XRN2: variants seen among roughly 807,000 people sequenced by gnomAD.
The protein encoded by XRN2 is 5'-3' exoribonuclease 2, also known as DHM1-like protein.
Under a neutral mutation model 138.5 loss-of-function variants are expected in XRN2, and 44 were observed. The observed-to-expected ratio is 0.32, with a 90% CI of 0.25 to 0.41. XRN2 has a LOEUF of 0.41. Among genes scored for constraint, XRN2 ranks in the 10% least tolerant of loss-of-function variants. XRN2 has a pLI of 1.00. For synonymous variants in XRN2, 354 were observed against 369.4 expected, an observed-to-expected ratio of 0.96 and a Z score of 0.48; for missense variants, 937 against 1,169.3, an observed-to-expected ratio of 0.80 and a Z score of 2.90.
intron 1 of XRN2, among the ~76,000 whole-genome samples, chr20:21,312,116 T>A (rs2037889261): frequency 6.6e-6 from 1 of 152,066 alleles, no homozygotes; most frequent in Non-Finnish European, 1.5e-5. Context: ...TAGGTTGTGT[T>A]TTTTTTTGTC....
chr20:21,368,663 T>G, intron 27 of XRN2, 73 bp downstream of exon 27: 3 of 1,575,988 alleles, frequency 1.9e-6, no homozygotes, highest in Non-Finnish European at 2.6e-6. Flanking sequence ...CTAATCTTCT[T>G]TGCTGAAAAA....
At chr20:21,321,987 A>G (rs2038052669) in intron 1 of XRN2, among the ~76,000 whole-genome samples, 1 of 152,240 alleles carries the variant, frequency 6.6e-6, no homozygotes, top group Non-Finnish European at 1.5e-5. Context: ...AATTAGTCTA[A>G]CATACTGGTT....
intron 27 of XRN2, among the ~76,000 whole-genome samples, chr20:21,369,232 A>G (rs2038736583): frequency 6.6e-6 from 1 of 152,226 alleles, no homozygotes. Context: ...ACATTGTTAC[A>G]GGTGACAAGA....
chr20:21,303,839 G>T, intron 1 of XRN2: 1 of 1,032,396 alleles, frequency 9.7e-7, no homozygotes, highest in Non-Finnish European at 1.2e-6. Context: ...GTTGAGCAAT[G>T]CATGCCAGGT....
At chr20:21,324,183 A>G (rs1225525903) in intron 1 of XRN2, among the ~76,000 whole-genome samples, 1 of 152,058 alleles carries the variant, frequency 6.6e-6, no homozygotes, top group East Asian at 1.9e-4. Context: ...TTTACCACTT[A>G]TTCCACTCAC....
chr20:21,353,124 ATAATATT>A (rs2122268514), intron 20 of XRN2, among the ~76,000 whole-genome samples: 1 of 147,052 alleles, frequency 6.8e-6, no homozygotes, highest in African/African-American at 2.5e-5. Flanking sequence ...TTATATATGT[ATAATATT>A]TAATATATAA....
intron 29 of XRN2, 24 bp downstream of exon 29, chr20:21,387,030 T>C (rs2038944057): frequency 1.3e-6 from 2 of 1,589,012 alleles, no homozygotes; most frequent in Non-Finnish European, 8.6e-7. Context: ...GGATGAAAAG[T>C]ATACTGCTCA....
At chr20:21,316,067 A>G (rs1414031060) in intron 1 of XRN2, among the ~76,000 whole-genome samples, 1 of 152,156 alleles carries the variant, frequency 6.6e-6, no homozygotes, top group Non-Finnish European at 1.5e-5. Context: ...AGCCTGGCCA[A>G]CATGGTGAAA....
intron 1 of XRN2, chr20:21,303,809 G>GA (rs1274004678): frequency 1.4e-5 from 15 of 1,081,726 alleles, no homozygotes; most frequent in Non-Finnish European, 1.7e-5. Context: ...TTGGGTCTCG[G>GA]AAGAGGTTCA....
intron 9 of XRN2, among the ~76,000 whole-genome samples, chr20:21,333,336 T>G (rs1380634497): frequency 1.3e-5 from 2 of 152,226 alleles, no homozygotes; most frequent in Admixed American, 1.3e-4. Context: ...TCTGGCCCTT[T>G]GCAGAAAATG....
At chr20:21,331,860 A>G (rs761975610) in intron 8 of XRN2, 42 bp downstream of exon 8, 64 of 1,601,376 alleles carry the variant, frequency 4.0e-5, no homozygotes, top group Non-Finnish European at 5.4e-5. Context: ...GGATTAAACC[A>G]TAGCAAGTTG....
Position 21,388,901 on chromosome 20 carries a change from A to G in XRN2, c.2788-372A>G, listed in dbSNP as rs531559307. Among the ~76,000 whole-genome samples the G allele has an allele frequency of 1.1e-4, 17 of 152,352 alleles. 1 individual carries two copies. The highest frequency in any genetic ancestry group is 3.8e-4 in the African/African-American group (16 of 41,586). ...AAAGCAAAGTTACTTTCCTTGTGTAATAAGTCTAAATTGATGTGGGTATCT... is the reference window on the plus strand; with the variant it reads ...AAAGCAAAGTTACTTTCCTTGTGTAGTAAGTCTAAATTGATGTGGGTATCT... On this transcript the variant is annotated intron_variant, in intron 29 of 29. Transcript: ENST00000377191.
chr20:21,385,770 A>G (rs2038930828), intron 28 of XRN2, among the ~76,000 whole-genome samples: 1 of 152,226 alleles, frequency 6.6e-6, no homozygotes, highest in Non-Finnish European at 1.5e-5. Context: ...CAATGAGCCC[A>G]GCGCCGGGCT....
rs200299840 is a variant in XRN2, at chr20:21,344,082, G to C, written c.1411-8G>C. Reference sequence around the variant, plus strand: ...ATCCTTCTTCTGTAATGTCATCATTGTCTGCAGAGTCCTTCGATATCTCCT... The same window carrying C: ...ATCCTTCTTCTGTAATGTCATCATTCTCTGCAGAGTCCTTCGATATCTCCT... On this transcript the variant is annotated splice_region_variant and splice_polypyrimidine_tract_variant and intron_variant, in intron 15 of 29. Coordinates refer to ENST00000377191, the MANE Select transcript of XRN2 (RefSeq NM_012255.5). 2 of 1,583,894 alleles carry C rather than the reference G, an allele frequency of 1.3e-6. No homozygotes were observed. The highest frequency in any genetic ancestry group is 2.7e-5 in the African/African-American group (2 of 74,188).
intron 27 of XRN2, among the ~76,000 whole-genome samples, chr20:21,377,247 T>G (rs990824018): frequency 2.7e-5 from 4 of 150,742 alleles, no homozygotes; most frequent in Admixed American, 1.3e-4. Context: ...GTCCAACATA[T>G]GATTTGTCGG....
At position 21,389,352 on chromosome 20, in the gene XRN2, T is replaced by A; in HGVS notation, c.*14T>A. 1.2e-6 allele frequency: 2 copies of A among 1,609,772 alleles called. No individual in the cohort carries two copies. Among genetic ancestry groups the A allele is most frequent in the Non-Finnish European group, 1.7e-6 (2 of 1,177,794 alleles). ...AATTGGAATTAAGCTTTTGTAAAGC[T>A]TTCCCAAATCCTTTCATCATTCTAC... On this transcript the variant is annotated 3_prime_UTR_variant, in exon 30 of 30. Transcript: ENST00000377191.
At chr20:21,385,373 T>G (rs2038926878) in intron 28 of XRN2, among the ~76,000 whole-genome samples, 1 of 152,224 alleles carries the variant, frequency 6.6e-6, no homozygotes, top group African/African-American at 2.4e-5. Context: ...AGACCATTCC[T>G]ATCTCTGCAC....
At chr20:21,315,563 G>A (rs1405031311) in intron 1 of XRN2, among the ~76,000 whole-genome samples, 1 of 152,146 alleles carries the variant, frequency 6.6e-6, no homozygotes, top group Non-Finnish European at 1.5e-5. Context: ...CACAATCTCA[G>A]CTCACTGCAA....
intron 1 of XRN2, among the ~76,000 whole-genome samples, chr20:21,323,926 T>G (rs1234394388): frequency 6.6e-6 from 1 of 152,210 alleles, no homozygotes; most frequent in Non-Finnish European, 1.5e-5. Flanking sequence ...GCTGAGATCA[T>G]ATGGCCAGCA....
Sources: allele counts gnomAD v4.1 joint callset (sites outside exome capture counted in the v4.1 genomes callset), GRCh38; gene constraint gnomAD v4.1.1; transcripts MANE v1.5; gene names NCBI Gene and HGNC (gene_info 2026-07-23, HGNC 2026-07-21).